Variants in GYG1 observed in about 807,000 individuals in gnomAD.
GYG1 encodes the protein glycogenin 1.
A neutral mutation model predicts 41.9 loss-of-function variants in GYG1; 44 were observed. The ratio of observed to expected loss-of-function variants is 1.05; its 90% CI spans 0.83 to 1.35. The LOEUF is 1.35. GYG1 is among the 40% of genes most tolerant of loss of function. The pLI, the probability that GYG1 is intolerant of heterozygous loss-of-function variation, is 0.00. For synonymous variants in GYG1, 141 were observed against 158.1 expected, an observed-to-expected ratio of 0.89 and a Z score of 0.81; for missense variants, 429 against 418.9, an observed-to-expected ratio of 1.02 and a Z score of -0.21.
In GYG1 at chr3:149,027,346, T is replaced by C. The variant is rs1714713606; in HGVS notation, c.*413T>C. On this transcript the variant is annotated 3_prime_UTR_variant, in exon 8 of 8. Transcript: ENST00000345003. ...TGTGTACCTTTCACGAGACCTGAAT[T>C]TTAGAATTGCCCAGTGCTGCCAGAG... 1 of 212,874 alleles carries C rather than the reference T, an allele frequency of 4.7e-6. No individual in the cohort carries two copies. The highest frequency in any genetic ancestry group is 8.3e-5 in the South Asian group (1 of 12,070). 13.2% of individuals were successfully genotyped at this position (212,874 alleles called of 1,614,324 possible).
intron 1 of GYG1, chr3:148,992,351 G>A (rs1712540619): frequency 6.6e-6 from 1 of 152,434 alleles, no homozygotes. Context: ...AATAGCCAGG[G>A]TTATTACAGC....
At chr3:149,010,649 TTACAACTAA>T (rs1427392542) in intron 5 of GYG1, among the ~76,000 whole-genome samples, 1 of 152,138 alleles carries the variant, frequency 6.6e-6, no homozygotes, top group African/African-American at 2.4e-5. Context: ...CTGATACACC[TTACAACTAA>T]TACAGCCTTG....
intron 1 of GYG1, among the ~76,000 whole-genome samples, chr3:148,991,879 G>C (rs1280469577): frequency 2.0e-5 from 3 of 152,214 alleles, no homozygotes; most frequent in Non-Finnish European, 4.4e-5. Context: ...CTCGGCCGGA[G>C]CTCTCGTTCC....
chr3:149,028,043 G>A lies in GYG1; in HGVS notation c.*1110G>A, dbSNP rs867477605. On this transcript the variant is annotated 3_prime_UTR_variant, in exon 8 of 8. Transcript: ENST00000345003. ...ATTTATAGATCATTCTAGGTTGTAA[G>A]AGATGGCAAGCTAAAGAAGGGTAGG... Among the ~76,000 whole-genome samples the A allele has an allele frequency of 1.7e-4, 26 of 152,208 alleles. 1 individual carries two copies. The highest frequency in any genetic ancestry group is 3.6e-4 in the African/African-American group (15 of 41,454).
In GYG1 at chr3:149,030,953, T is replaced by G. The variant is rs1161418669; in HGVS notation, c.*4020T>G. On this transcript the variant is annotated 3_prime_UTR_variant, in exon 8 of 8. Coordinates refer to ENST00000345003, the MANE Select transcript of GYG1 (RefSeq NM_004130.4). Reference sequence around the variant, plus strand: ...TCAAATGACTTCCAACACTCTTAAGTCTCAGGTATTCTTAAATCTGTATCA... The same window carrying G: ...TCAAATGACTTCCAACACTCTTAAGGCTCAGGTATTCTTAAATCTGTATCA... 6.6e-6 allele frequency: 1 copy of G among 152,192 alleles called. No individual in the cohort carries two copies. Among genetic ancestry groups the G allele is most frequent in the Non-Finnish European group, 1.5e-5 (1 of 68,040 alleles). The allele number at this position is 152,192 out of a possible 1,614,324, so 9.4% of individuals were successfully genotyped here.
intron 5 of GYG1, among the ~76,000 whole-genome samples, chr3:149,021,522 G>A (rs1714374150): frequency 6.6e-6 from 1 of 152,122 alleles, no homozygotes; most frequent in Non-Finnish European, 1.5e-5. Context: ...ATGCTTTTTG[G>A]AGCAGCAGCA....
intron 5 of GYG1, among the ~76,000 whole-genome samples, chr3:149,022,688 G>A (rs528896380): frequency 5.7e-4 from 87 of 151,518 alleles, no homozygotes; most frequent in Non-Finnish European, 9.0e-4. Flanking sequence ...TAGAGACAGG[G>A]TTTCACCATG....
At chr3:149,026,694 T>G (rs1714668751) in intron 7 of GYG1, 66 bp from the exon 8 acceptor site, 2 of 1,254,470 alleles carry the variant, frequency 1.6e-6, no homozygotes, top group Admixed American at 1.7e-5. Flanking sequence ...TGTCTTCAAT[T>G]TATTGCATTC....
intron 5 of GYG1, among the ~76,000 whole-genome samples, chr3:149,022,240 T>A (rs1714409229): frequency 6.6e-6 from 1 of 152,182 alleles, no homozygotes; most frequent in African/African-American, 2.4e-5. Context: ...AGAACAGGAC[T>A]ACGCTTTACT....
At chr3:148,998,684 T>C (rs1712938807) in intron 4 of GYG1, among the ~76,000 whole-genome samples, 1 of 152,272 alleles carries the variant, frequency 6.6e-6, no homozygotes, top group South Asian at 2.1e-4. Context: ...GACATGTTTT[T>C]AGCTCCTGCT....
At position 149,003,741 on chromosome 3, in the gene GYG1, G is replaced by A. The variant is rs917838732; in HGVS notation, c.482-5535G>A. ...GGTGATGCCCATGCTGCTGGAACCC[G>A]GGCCACAGTTTGAGGAGCACTATTA... On this transcript the variant is annotated intron_variant, in intron 4 of 7. Transcript: ENST00000345003. Among the ~76,000 whole-genome samples, 43 of 152,118 alleles carry A rather than the reference G, an allele frequency of 2.8e-4. 1 individual carries two copies. The highest frequency in any genetic ancestry group is 5.9e-5 in the Non-Finnish European group (4 of 68,004).
At chr3:149,008,135 A>T (rs1484284495) in intron 4 of GYG1, 1 of 152,176 alleles carries the variant, frequency 6.6e-6, no homozygotes, top group Non-Finnish European at 1.5e-5. Context: ...CATAGGGGTA[A>T]TGTGGCCTTC....
At chr3:149,000,407 T>C (rs1713028326) in intron 4 of GYG1, among the ~76,000 whole-genome samples, 1 of 152,226 alleles carries the variant, frequency 6.6e-6, no homozygotes, top group African/African-American at 2.4e-5. Flanking sequence ...TTGTATAGGA[T>C]GTGACAAGAT....
chr3:149,001,479 C>G (rs1257420315), intron 4 of GYG1: 1 of 152,200 alleles, frequency 6.6e-6, no homozygotes, highest in Admixed American at 6.5e-5. Flanking sequence ...TGTCAGAGAT[C>G]ATGAACCCTG....
chr3:149,003,731 G>T (rs2107895807), intron 4 of GYG1, among the ~76,000 whole-genome samples: 1 of 152,200 alleles, frequency 6.6e-6, no homozygotes, highest in South Asian at 2.1e-4. Context: ...TGCCCATGCT[G>T]CTGGAACCCG....
intron 4 of GYG1, among the ~76,000 whole-genome samples, chr3:148,999,136 C>T (rs1712961881): frequency 6.6e-6 from 1 of 152,168 alleles, no homozygotes; most frequent in African/African-American, 2.4e-5. Flanking sequence ...ACTAACTAAC[C>T]TATTCTTTGT....
intron 4 of GYG1, among the ~76,000 whole-genome samples, chr3:149,005,465 A>C (rs7621515): frequency 6.6e-6 from 1 of 152,058 alleles, no homozygotes. Context: ...AGTGTACTGA[A>C]GTTGTCTTTA....
At position 149,029,208 on chromosome 3, in the gene GYG1, G is replaced by T. The variant is rs1045738041; in HGVS notation, c.*2275G>T. 6.6e-6 allele frequency among the ~76,000 whole-genome samples: 1 copy of T among 152,160 alleles called. No homozygotes were observed. On this transcript the variant is annotated 3_prime_UTR_variant, in exon 8 of 8. Coordinates refer to ENST00000345003, the MANE Select transcript of GYG1 (RefSeq NM_004130.4). ...GTATTAACTAACTTTTCCATGTAAA[G>T]CTATACAAATATTGGAAAATCTTTT...
intron 2 of GYG1, 56 bp from the exon 3 acceptor site, chr3:148,996,245 TG>T: frequency 8.1e-7 from 1 of 1,237,562 alleles, no homozygotes; most frequent in Non-Finnish European, 1.2e-6. Flanking sequence ...TTACAGCAGA[TG>T]GGTCACTTGT....
Sources: allele counts gnomAD v4.1 joint callset (sites outside exome capture counted in the v4.1 genomes callset), GRCh38; gene constraint gnomAD v4.1.1; transcripts MANE v1.5; gene names NCBI Gene and HGNC (gene_info 2026-07-23, HGNC 2026-07-21).